HMGCLL1: variants seen among roughly 807,000 people sequenced by gnomAD.
HMGCLL1 encodes 3-hydroxy-3-methylglutaryl-CoA lyase like 1.
Under a neutral mutation model 39.1 loss-of-function variants are expected in HMGCLL1, and 36 were observed. That is an observed-to-expected ratio of 0.92 (90% CI 0.71 to 1.22). The LOEUF (loss-of-function observed/expected upper bound fraction) is 1.22. Ranked by LOEUF, HMGCLL1 falls within the 50% of genes most tolerant of loss-of-function variation. The pLI is 0.00. For missense variants in HMGCLL1, 451 were observed against 416.5 expected, an observed-to-expected ratio of 1.08 and a Z score of -0.72; for synonymous variants, 149 against 144.0, an observed-to-expected ratio of 1.03 and a Z score of -0.25.
At chr6:55,470,213 A>T (rs1764986845) in intron 7 of HMGCLL1, among the ~76,000 whole-genome samples, 1 of 151,900 alleles carries the variant, frequency 6.6e-6, no homozygotes, top group South Asian at 2.1e-4. Flanking sequence ...ACATCGCACT[A>T]TAATTGTTGT....
rs753957303 is a variant in HMGCLL1 at position 55,539,940 on chromosome 6, A to AGAAGGAAGGAAG, written c.297+1777_297+1788dup. ...AAAGAAAAGGAGGATGAGGAGGAGG[A>AGAAGGAAGGAAG]GAAGGAAGGAAGGAAGGAAGGAAGG... On this transcript the variant is annotated intron_variant, in intron 3 of 8. Coordinates refer to ENST00000274901, the MANE Select transcript of HMGCLL1 (RefSeq NM_001042406.2). Among the ~76,000 whole-genome samples the AGAAGGAAGGAAG allele has an allele frequency of 2.8e-3, 157 of 57,088 alleles. 1 individual carries two copies. The highest frequency in any genetic ancestry group is 8.3e-3 in the East Asian group (13 of 1,568). 37.5% of individuals were successfully genotyped at this position (57,088 alleles called of 152,430 possible).
chr6:55,569,578 A>G (rs781087777), intron 1 of HMGCLL1, among the ~76,000 whole-genome samples: 1 of 152,096 alleles, frequency 6.6e-6, no homozygotes, highest in Non-Finnish European at 1.5e-5. Context: ...ACCTTTCTGA[A>G]CCACAGTTAC....
chr6:55,441,412 A>C (rs1763592290), intron 7 of HMGCLL1, among the ~76,000 whole-genome samples: 1 of 152,086 alleles, frequency 6.6e-6, no homozygotes, highest in Non-Finnish European at 1.5e-5. Context: ...AAGTTTTAGA[A>C]ATCTGACTGA....
chr6:55,642,073 C>A, the HMGCLL1 span, among the ~76,000 whole-genome samples: 11 of 102,552 alleles, frequency 1.1e-4, no homozygotes, highest in African/African-American at 3.0e-4. Context: ...CCCACCCCAC[C>A]ACAGTCCCCA....
intron 1 of HMGCLL1, among the ~76,000 whole-genome samples, chr6:55,566,162 C>A (rs1771200424): frequency 6.6e-6 from 1 of 151,906 alleles, no homozygotes; most frequent in African/African-American, 2.4e-5. Flanking sequence ...CTCTGTACAC[C>A]CAGTGGGTTA....
chr6:55,438,929 CAA>C (rs913908208), intron 8 of HMGCLL1, among the ~76,000 whole-genome samples: 23 of 151,976 alleles, frequency 1.5e-4, no homozygotes, highest in African/African-American at 5.1e-4. Context: ...GTACAACTTG[CAA>C]AGAGACTATT....
the HMGCLL1 span, among the ~76,000 whole-genome samples, chr6:55,588,245 G>A: frequency 2.0e-5 from 3 of 152,136 alleles, no homozygotes; most frequent in Non-Finnish European, 4.4e-5. Flanking sequence ...TCAGGATGAA[G>A]AAACTCACTC....
At chr6:55,617,614 A>T in the HMGCLL1 span, among the ~76,000 whole-genome samples, 1 of 152,120 alleles carries the variant, frequency 6.6e-6, no homozygotes, top group Non-Finnish European at 1.5e-5. Flanking sequence ...GAAATTCAGA[A>T]GTCTTATTAA....
intron 5 of HMGCLL1, among the ~76,000 whole-genome samples, chr6:55,499,905 T>G (rs549132255): frequency 6.6e-6 from 1 of 152,172 alleles, no homozygotes; most frequent in Non-Finnish European, 1.5e-5. Context: ...AAGCTTCTTT[T>G]GTAACTCATT....
the HMGCLL1 span, among the ~76,000 whole-genome samples, chr6:55,598,085 T>C: frequency 6.6e-6 from 1 of 152,080 alleles, no homozygotes; most frequent in South Asian, 2.1e-4. Context: ...ATAGCTCAAG[T>C]CATATAAGGT....
chr6:55,466,903 T>C (rs550239020), intron 7 of HMGCLL1, among the ~76,000 whole-genome samples: 1 of 152,240 alleles, frequency 6.6e-6, no homozygotes, highest in South Asian at 2.1e-4. Flanking sequence ...TCAAGAGTTT[T>C]ACCTTTACTA....
chr6:55,562,017 AACCAC>A (rs752127404), intron 1 of HMGCLL1, among the ~76,000 whole-genome samples: 1 of 152,092 alleles, frequency 6.6e-6, no homozygotes, highest in Non-Finnish European at 1.5e-5. Flanking sequence ...TTAAATAATA[AACCAC>A]AGTGGTTGAT....
intron 1 of HMGCLL1, among the ~76,000 whole-genome samples, chr6:55,573,357 C>T (rs749854750): frequency 2.0e-5 from 3 of 151,882 alleles, no homozygotes; most frequent in Non-Finnish European, 2.9e-5. Flanking sequence ...GTAGGCATAC[C>T]AGGAAGGAAA....
chr6:55,616,521 G>C, the HMGCLL1 span, among the ~76,000 whole-genome samples: 1 of 152,074 alleles, frequency 6.6e-6, no homozygotes, highest in African/African-American at 2.4e-5. Context: ...TGAATAAATG[G>C]ATACTGTTTT....
intron 1 of HMGCLL1, among the ~76,000 whole-genome samples, chr6:55,562,046 C>T (rs1770974247): frequency 6.6e-6 from 1 of 152,032 alleles, no homozygotes; most frequent in African/African-American, 2.4e-5. Flanking sequence ...AACTTCCCCT[C>T]AAAGGAATAG....
At chr6:55,453,804 T>G (rs764614821) in intron 7 of HMGCLL1, among the ~76,000 whole-genome samples, 2 of 152,146 alleles carry the variant, frequency 1.3e-5, no homozygotes, top group Non-Finnish European at 2.9e-5. Context: ...TGAGATAAAT[T>G]TACTAGGTAA....
the HMGCLL1 span, among the ~76,000 whole-genome samples, chr6:55,675,858 T>C: frequency 1.3e-4 from 20 of 152,152 alleles, no homozygotes; most frequent in Non-Finnish European, 2.1e-4. Flanking sequence ...TTTGTGTTTG[T>C]GTGTGTGTGC....
chr6:55,442,527 G>A (rs1240472081), intron 7 of HMGCLL1, among the ~76,000 whole-genome samples: 2 of 152,096 alleles, frequency 1.3e-5, no homozygotes, highest in Admixed American at 6.6e-5. Flanking sequence ...AGTTTCCTTT[G>A]CAAGACTGAA....
chr6:55,620,060 C>G, the HMGCLL1 span, among the ~76,000 whole-genome samples: 3 of 152,022 alleles, frequency 2.0e-5, no homozygotes, highest in Non-Finnish European at 2.9e-5. Context: ...GTATAAGTAC[C>G]TCCTTTTTTT....
Sources: gnomAD v4.1 joint callset for allele counts (sites outside exome capture counted in the v4.1 genomes callset) on GRCh38, gnomAD v4.1.1 for gene constraint, MANE v1.5 for transcripts, NCBI Gene and HGNC (gene_info 2026-07-23, HGNC 2026-07-21) for gene names.